KHDRBS2: variants seen among roughly 807,000 people sequenced by gnomAD.
The protein encoded by KHDRBS2 is KH domain-containing, RNA-binding, signal transduction-associated protein 2.
KHDRBS2 carries 26 observed loss-of-function variants against 44.3 expected under a neutral mutation model. The ratio of observed to expected loss-of-function variants is 0.59; its 90% CI spans 0.43 to 0.81. The LOEUF is 0.81. Ranked by LOEUF, KHDRBS2 falls within the 40% of genes least tolerant of loss-of-function variation. The probability of loss-of-function intolerance (pLI) is 0.00; values close to 1 mark genes in which losing one functional copy is unlikely to be tolerated. For synonymous variants in KHDRBS2, 194 were observed against 151.1 expected, an observed-to-expected ratio of 1.28 and a Z score of -2.08; for missense variants, 476 against 433.1, an observed-to-expected ratio of 1.10 and a Z score of -0.88.
intron 3 of KHDRBS2, among the ~76,000 whole-genome samples, chr6:62,027,210 G>A (rs915475835): frequency 3.6e-4 from 55 of 152,082 alleles, no homozygotes; most frequent in African/African-American, 1.3e-3. Flanking sequence ...GGGAGAGTGT[G>A]TTGACAAACA....
At chr6:62,016,041 T>C (rs1192462) in intron 3 of KHDRBS2, among the ~76,000 whole-genome samples, 9,945 of 152,208 alleles carry the variant, frequency 0.065, 397 homozygotes, top group Middle Eastern at 0.13. Flanking sequence ...AAATCAATCA[T>C]TAATTAGACC....
At chr6:61,652,383 G>A in the KHDRBS2 span, 1 of 151,502 alleles carries the variant, frequency 6.6e-6, no homozygotes, top group Non-Finnish European at 1.5e-5. Context: ...GGTATGATGT[G>A]ATTTTTGTAT....
rs879377591 is a variant in KHDRBS2, at chr6:62,063,978, C to A, written c.220-15984G>T. Among the ~76,000 whole-genome samples the A allele has an allele frequency of 6.8e-3, 1,010 of 149,154 alleles. 7 individuals carry two copies. Among genetic ancestry groups the A allele is most frequent in the Middle Eastern group, 0.017 (5 of 292 alleles). On this transcript the variant is annotated intron_variant, in intron 2 of 8. Transcript: ENST00000281156. ...TACAAAAATCACAAGCGTTCTTATA[C>A]ACCAACAACAGACAAACAGAGACCC...
At chr6:61,704,773 ATATT>A (rs1337876113) in intron 7 of KHDRBS2, among the ~76,000 whole-genome samples, 1 of 151,856 alleles carries the variant, frequency 6.6e-6, no homozygotes, top group African/African-American at 2.4e-5. Context: ...TGCTCTACAA[ATATT>A]TATTGTGTAA....
intron 6 of KHDRBS2, among the ~76,000 whole-genome samples, chr6:61,752,979 T>C (rs535239163): frequency 6.6e-6 from 1 of 152,272 alleles, no homozygotes; most frequent in East Asian, 1.9e-4. Flanking sequence ...CAGAATTCTA[T>C]GGGAACCCAA....
At chr6:62,214,680 G>A (rs1224697577) in intron 1 of KHDRBS2, among the ~76,000 whole-genome samples, 2 of 151,874 alleles carry the variant, frequency 1.3e-5, no homozygotes, top group Non-Finnish European at 2.9e-5. Flanking sequence ...GACCTAGGAA[G>A]GTAGATTTTT....
At chr6:61,995,257 G>A (rs1454152687) in intron 3 of KHDRBS2, among the ~76,000 whole-genome samples, 2 of 151,880 alleles carry the variant, frequency 1.3e-5, no homozygotes, top group Non-Finnish European at 2.9e-5. Context: ...GAGTTGAATG[G>A]TAAGAAGTGT....
chr6:61,986,420 A>C (rs892063100), intron 3 of KHDRBS2, among the ~76,000 whole-genome samples: 2 of 152,176 alleles, frequency 1.3e-5, no homozygotes, highest in African/African-American at 4.8e-5. Flanking sequence ...ATTTAAATAA[A>C]ATTAAATGTT....
At chr6:61,692,188 C>T (rs1235466489) in intron 8 of KHDRBS2, among the ~76,000 whole-genome samples, 5 of 151,992 alleles carry the variant, frequency 3.3e-5, no homozygotes, top group Non-Finnish European at 5.9e-5. Context: ...GCCATTCTGA[C>T]TCATCTGAAA....
chr6:61,858,903 T>C (rs1796521298), intron 6 of KHDRBS2, among the ~76,000 whole-genome samples: 1 of 151,908 alleles, frequency 6.6e-6, no homozygotes, highest in Non-Finnish European at 1.5e-5. Flanking sequence ...ATTCAACTTA[T>C]TGTATAGTTG....
At chr6:61,905,854 C>CTT (rs10676797) in intron 4 of KHDRBS2, among the ~76,000 whole-genome samples, 52,060 of 114,016 alleles carry the variant, frequency 0.46, 12,825 homozygotes, top group East Asian at 0.51. Flanking sequence ...CAAAACTTTT[C>CTT]TTTTTTTTTT....
At chr6:61,608,499 T>C in the KHDRBS2 span, among the ~76,000 whole-genome samples, 1 of 152,212 alleles carries the variant, frequency 6.6e-6, no homozygotes, top group East Asian at 1.9e-4. Context: ...GCAGGTTTGT[T>C]ACATAGGTAT....
At chr6:62,186,345 G>A (rs766442759) in intron 1 of KHDRBS2, among the ~76,000 whole-genome samples, 2 of 152,030 alleles carry the variant, frequency 1.3e-5, no homozygotes, top group African/African-American at 4.8e-5. Context: ...AGAGCATAAC[G>A]AATACTAGCT....
the KHDRBS2 span, among the ~76,000 whole-genome samples, chr6:61,668,921 A>T: frequency 1.3e-5 from 2 of 151,048 alleles, no homozygotes; most frequent in South Asian, 2.1e-4. Context: ...ACAATACAGG[A>T]TGCTGTTAGT....
At chr6:62,205,042 A>G (rs1827707658) in intron 1 of KHDRBS2, among the ~76,000 whole-genome samples, 1 of 152,134 alleles carries the variant, frequency 6.6e-6, no homozygotes. Context: ...TTTGGGGCAA[A>G]GTCAATCAGC....
At chr6:62,159,375 T>C (rs1817127957) in intron 2 of KHDRBS2, among the ~76,000 whole-genome samples, 1 of 152,176 alleles carries the variant, frequency 6.6e-6, no homozygotes, top group Non-Finnish European at 1.5e-5. Context: ...GCAACTGTCA[T>C]CAATGAAAAC....
intron 8 of KHDRBS2, among the ~76,000 whole-genome samples, chr6:61,683,207 C>T (rs1036987838): frequency 3.3e-5 from 5 of 151,800 alleles, no homozygotes; most frequent in African/African-American, 9.7e-5. Flanking sequence ...TGACAGAATA[C>T]TTGTCACATA....
At chr6:61,581,383 T>TA in the KHDRBS2 span, among the ~76,000 whole-genome samples, 1 of 151,908 alleles carries the variant, frequency 6.6e-6, no homozygotes, top group Non-Finnish European at 1.5e-5. Context: ...CCACAGAAAT[T>TA]AAAAATGTTA....
chr6:61,604,170 A>G, the KHDRBS2 span, among the ~76,000 whole-genome samples: 1 of 152,228 alleles, frequency 6.6e-6, no homozygotes, highest in Non-Finnish European at 1.5e-5. Context: ...ATAGGGGCTG[A>G]AAGAAATTAC....
Sources: allele counts gnomAD v4.1 joint callset (sites outside exome capture counted in the v4.1 genomes callset), GRCh38; gene constraint gnomAD v4.1.1; transcripts MANE v1.5; gene names NCBI Gene and HGNC (gene_info 2026-07-23, HGNC 2026-07-21).